Variants in RALGAPA2 observed in about 807,000 individuals in gnomAD.
RALGAPA2 encodes the protein Ral GTPase activating protein catalytic subunit alpha 2.
RALGAPA2 carries 139 observed loss-of-function variants against 230.4 expected under a neutral mutation model. The ratio of observed to expected loss-of-function variants is 0.60; its 90% CI spans 0.53 to 0.69. The LOEUF (loss-of-function observed/expected upper bound fraction) is 0.69. Among genes scored for constraint, RALGAPA2 ranks in the 30% least tolerant of loss-of-function variants. The pLI is 0.00. For synonymous variants in RALGAPA2, 847 were observed against 837.8 expected (o/e 1.01, Z -0.19); for missense variants, 2,163 against 2,276.0 (o/e 0.95, Z 1.01).
In RALGAPA2 at chr20:20,512,767, G is replaced by T; in HGVS notation, c.4602C>A (p.Cys1534Ter). The T allele has an allele frequency of 6.2e-7, 1 of 1,613,814 alleles. No homozygotes were observed. The highest frequency in any genetic ancestry group is 8.5e-7 in the Non-Finnish European group (1 of 1,179,740). ...TTAGATTTAGCTGTGACGGTAAAAGGCATTCAGGACTTGTATGGCCAATGT... is the reference window on the plus strand; with the variant it reads ...TTAGATTTAGCTGTGACGGTAAAAGTCATTCAGGACTTGTATGGCCAATGT... Reference protein sequence around the residue: ...LENIGHTSPECLLPSQLNLNE... With the variant: ...LENIGHTSPE The change falls in exon 32 of 40, where the codon TGC (cysteine) becomes TGA (stop). Residue 1534 changes from cysteine to a stop codon, truncating the protein, a stop_gained. Coordinates refer to ENST00000202677, the MANE Select transcript of RALGAPA2 (RefSeq NM_020343.4). LOFTEE classifies it high-confidence loss of function.
chr20:20,488,172 G>T (rs1009879825), intron 36 of RALGAPA2, among the ~76,000 whole-genome samples: 2 of 152,122 alleles, frequency 1.3e-5, no homozygotes, highest in Non-Finnish European at 2.9e-5. Flanking sequence ...AAATCCATGT[G>T]TAGGTGGACC....
intron 23 of RALGAPA2, among the ~76,000 whole-genome samples, chr20:20,563,801 C>T (rs1013810065): frequency 6.6e-6 from 1 of 152,152 alleles, no homozygotes; most frequent in Admixed American, 6.5e-5. Context: ...TCCTACCTCT[C>T]CAACATATTT....
At chr20:20,447,690 A>G (rs1165055004) in intron 37 of RALGAPA2, among the ~76,000 whole-genome samples, 1 of 152,020 alleles carries the variant, frequency 6.6e-6, no homozygotes, top group Non-Finnish European at 1.5e-5. Flanking sequence ...ATGCACTTCA[A>G]CCCAACATAA....
intron 5 of RALGAPA2, 149 bp downstream of exon 5, chr20:20,643,357 C>A (rs2067105164): frequency 4.0e-6 from 3 of 745,412 alleles, no homozygotes; most frequent in Admixed American, 3.4e-5. Flanking sequence ...AAGAACAAAA[C>A]CCTAACAATA....
In RALGAPA2 at chr20:20,536,777, C is replaced by A; in HGVS notation, c.3293G>T (p.Arg1098Leu). Residue 1098 changes from arginine to leucine, a missense_variant, in exon 25 of 40, where the codon CGT becomes CTT. Arg to Leu is a moderately radical substitution (Grantham distance 102). Coordinates refer to ENST00000202677, the MANE Select transcript of RALGAPA2 (RefSeq NM_020343.4). Reference sequence around the variant, plus strand: ...GCCGAGGACAGTGACAGCCTCTGAACGAGGCGCCTGCACATAAGGAAGAGG... The same window carrying A: ...GCCGAGGACAGTGACAGCCTCTGAAAGAGGCGCCTGCACATAAGGAAGAGG... ...VLSTDILTAP[R>L]SEAVTVLGSL... 1 of 1,611,618 alleles carries A rather than the reference C, an allele frequency of 6.2e-7. No homozygotes were observed. Among genetic ancestry groups the A allele is most frequent in the Non-Finnish European group, 8.5e-7 (1 of 1,178,308 alleles).
chr20:20,543,776 T>C (rs946565283), intron 24 of RALGAPA2, among the ~76,000 whole-genome samples: 6 of 152,028 alleles, frequency 3.9e-5, no homozygotes, highest in Admixed American at 3.3e-4. Context: ...ATATATCTAA[T>C]GTAAATGACG....
intron 37 of RALGAPA2, among the ~76,000 whole-genome samples, chr20:20,457,888 G>A (rs549187261): frequency 5.1e-4 from 77 of 152,332 alleles, no homozygotes; most frequent in African/African-American, 1.5e-3. Context: ...GAGGGGCCAA[G>A]GGAACATGCC....
chr20:20,675,165 T>C (rs2068274485), intron 3 of RALGAPA2, among the ~76,000 whole-genome samples: 1 of 152,158 alleles, frequency 6.6e-6, no homozygotes, highest in Admixed American at 6.5e-5. Context: ...ACAGGAAACA[T>C]AATAACCACT....
rs902075255 is a variant in RALGAPA2, at chr20:20,398,713, C to T, written c.5618-1979G>A. On this transcript the variant is annotated intron_variant, in intron 38 of 39. Transcript: ENST00000202677. The surrounding 1 kb of genome is among the most constrained non-coding windows in gnomAD (Gnocchi z 4.5). ...CCAGGAGGGACCTGACGTCTGGGGG[C>T]GATAGGGGAGAGACACAAAGCCTAA... 6.6e-6 allele frequency among the ~76,000 whole-genome samples: 1 copy of T among 151,722 alleles called. No individual in the cohort carries two copies. The highest frequency in any genetic ancestry group is 1.5e-5 in the Non-Finnish European group (1 of 67,952).
intron 29 of RALGAPA2, 59 bp from the exon 30 acceptor site, chr20:20,524,602 A>T (rs2063144946): frequency 1.9e-6 from 3 of 1,595,900 alleles, no homozygotes; most frequent in Non-Finnish European, 2.6e-6. Context: ...CACTACATGT[A>T]ATAATAAGAG....
chr20:20,629,152 T>A (rs1273149565), intron 10 of RALGAPA2, among the ~76,000 whole-genome samples: 1 of 152,190 alleles, frequency 6.6e-6, no homozygotes, highest in African/African-American at 2.4e-5. Flanking sequence ...GTAAATATTT[T>A]GCAACAACAA....
intron 37 of RALGAPA2, among the ~76,000 whole-genome samples, chr20:20,455,502 TA>T (rs2061094112): frequency 6.6e-6 from 1 of 152,164 alleles, no homozygotes; most frequent in Non-Finnish European, 1.5e-5. Context: ...TCTGGCTGTT[TA>T]AAAAACACAG....
chr20:20,514,918 C>T (rs777569785), intron 31 of RALGAPA2, among the ~76,000 whole-genome samples: 4 of 152,248 alleles, frequency 2.6e-5, no homozygotes, highest in Non-Finnish European at 4.4e-5. Flanking sequence ...GAACCAGGAG[C>T]CAAGGAGATT....
chr20:20,697,563 G>A (rs2069166292), intron 1 of RALGAPA2, among the ~76,000 whole-genome samples: 1 of 152,140 alleles, frequency 6.6e-6, no homozygotes, highest in African/African-American at 2.4e-5. Context: ...GGAAAGACAG[G>A]AGCCAGAATG....
intron 1 of RALGAPA2, among the ~76,000 whole-genome samples, chr20:20,706,751 G>A (rs1261383347): frequency 6.6e-6 from 1 of 152,064 alleles, no homozygotes; most frequent in Non-Finnish European, 1.5e-5. Context: ...TACATTTTCT[G>A]ATATGTAAAT....
At position 20,435,442 on chromosome 20, in the gene RALGAPA2, G is replaced by A. The variant is rs2060588784; in HGVS notation, c.5496-23294C>T. 1.3e-5 allele frequency among the ~76,000 whole-genome samples: 2 copies of A among 152,312 alleles called. 1 individual carries two copies. ...GTTAAGGGCACTGTCATTTGGGGGA[G>A]AAAAATTTACATAAATGCAGCTAAT... On this transcript the variant is annotated intron_variant, in intron 37 of 39. Coordinates refer to ENST00000202677, the MANE Select transcript of RALGAPA2 (RefSeq NM_020343.4).
At chr20:20,692,816 G>A (rs560802959) in intron 1 of RALGAPA2, among the ~76,000 whole-genome samples, 15 of 152,326 alleles carry the variant, frequency 9.8e-5, no homozygotes, top group African/African-American at 3.6e-4. Context: ...GAAAGCATCT[G>A]GACTGTCAAC....
intron 38 of RALGAPA2, 32 bp downstream of exon 38, chr20:20,411,995 G>A (rs374289859): frequency 2.7e-5 from 44 of 1,613,242 alleles, no homozygotes; most frequent in Middle Eastern, 3.3e-4. Flanking sequence ...TGCGTCTTAA[G>A]CGCGTGAGAG....
At chr20:20,531,531 G>C (rs1009406737) in intron 27 of RALGAPA2, among the ~76,000 whole-genome samples, 156 bp downstream of exon 27, 9 of 152,240 alleles carry the variant, frequency 5.9e-5, no homozygotes, top group Admixed American at 5.2e-4. Context: ...GGGAGCATCC[G>C]TTGGTGCCCC....
Sources: gnomAD v4.1 joint callset for allele counts (sites outside exome capture counted in the v4.1 genomes callset) on GRCh38, gnomAD v4.1.1 for gene constraint, Gnocchi (gnomAD v3.1) non-coding constraint, MANE v1.5 for transcripts, NCBI Gene and HGNC (gene_info 2026-07-23, HGNC 2026-07-21) for gene names.